STK32C: variants seen among roughly 807,000 people sequenced by gnomAD.
The protein encoded by STK32C is serine/threonine kinase 32C.
In STK32C, 31 loss-of-function variants were observed where a neutral mutation model predicts 56.5. The ratio of observed to expected loss-of-function variants is 0.55; its 90% CI spans 0.41 to 0.74. STK32C has a LOEUF of 0.74. STK32C is among the 30% of genes least tolerant of loss of function. The pLI, the probability that STK32C is intolerant of heterozygous loss-of-function variation, is 0.00. For synonymous variants in STK32C, 309 were observed against 289.4 expected (o/e 1.07, Z -0.69); for missense variants, 544 against 676.9 (o/e 0.80, Z 2.18).
upstream of STK32C, among the ~76,000 whole-genome samples, chr10:132,311,223 G>A (rs115455904): frequency 1.4e-3 from 212 of 152,222 alleles, 1 homozygote; most frequent in African/African-American, 4.9e-3. This position sits in a 1 kb window ranked among gnomAD's most constrained non-coding sequence, Gnocchi z 4.4. Context: ...CTCTGCCCAC[G>A]CCTTTGTTAA....
chr10:132,244,435 C>T (rs998376513), intron 2 of STK32C, among the ~76,000 whole-genome samples: 2 of 152,200 alleles, frequency 1.3e-5, no homozygotes, highest in Admixed American at 1.3e-4. Flanking sequence ...AGGAGGGGAC[C>T]ATCCCCAGGC....
chr10:132,255,062 A>G lies in STK32C; in HGVS notation c.263-9107T>C, dbSNP rs1028639780. On this transcript the variant is annotated intron_variant, in intron 1 of 11. Transcript: ENST00000298630. This position sits in a 1 kb window ranked among gnomAD's most constrained non-coding sequence, Gnocchi z 4.6. ...CCGTTCACCAATGGGAGGATTGCAC[A>G]GCAGAAGTGGGCACTACTGTGAGAG... 6.6e-6 allele frequency among the ~76,000 whole-genome samples: 1 copy of G among 152,198 alleles called. No individual in the cohort carries two copies. The highest frequency in any genetic ancestry group is 2.4e-5 in the African/African-American group (1 of 41,440).
intron 1 of STK32C, among the ~76,000 whole-genome samples, chr10:132,252,502 A>C (rs1238098723): frequency 1.3e-5 from 2 of 152,266 alleles, no homozygotes; most frequent in African/African-American, 4.8e-5. Context: ...CCACCTCTCA[A>C]ATTAAGACGC....
intron 1 of STK32C, among the ~76,000 whole-genome samples, chr10:132,316,258 A>G (rs528623333): frequency 1.3e-5 from 2 of 152,338 alleles, no homozygotes; most frequent in South Asian, 2.1e-4. Context: ...CTATAAGCCA[A>G]TGTAGCAAAG....
At chr10:132,263,225 G>A (rs566524025) in intron 1 of STK32C, among the ~76,000 whole-genome samples, 3 of 152,266 alleles carry the variant, frequency 2.0e-5, no homozygotes, top group South Asian at 4.2e-4. Flanking sequence ...TAAAGAAAAC[G>A]CAGTACCTAT....
chr10:132,294,572 G>C (rs1361043201), intron 1 of STK32C, among the ~76,000 whole-genome samples: 1 of 152,206 alleles, frequency 6.6e-6, no homozygotes, highest in Admixed American at 6.5e-5. Flanking sequence ...AACGCCATCT[G>C]ATGCCTGGCG....
chr10:132,295,913 T>C (rs372359364), intron 1 of STK32C, among the ~76,000 whole-genome samples: 7 of 150,806 alleles, frequency 4.6e-5, no homozygotes, highest in Non-Finnish European at 1.0e-4. Context: ...ATGACGTATA[T>C]AGATAAGCCC....
rs551692549 is a variant in STK32C, at chr10:132,222,709, G to A, written c.1183C>T (p.Leu395=). The A allele has an allele frequency of 1.2e-6, 2 of 1,611,970 alleles. No homozygotes were observed. Among genetic ancestry groups the A allele is most frequent in the Admixed American group, 1.7e-5 (1 of 59,752 alleles). The change falls in exon 10 of 12, where the codon CTG becomes TTG. Residue 395 remains leucine (L), a synonymous_variant. Transcript: ENST00000298630. ...LEEMILESRP[L]HKKKKRLAKN... is the part of the protein sequence containing the mutation. Reference sequence around the variant, plus strand: ...GCCAGACGCTTCTTCTTCTTGTGCAGGGGCCTGGACTCCAGGATCATCTCC... The same window carrying A: ...GCCAGACGCTTCTTCTTCTTGTGCAAGGGCCTGGACTCCAGGATCATCTCC...
chr10:132,238,809 C>T (rs939323276), intron 2 of STK32C, among the ~76,000 whole-genome samples: 3 of 152,112 alleles, frequency 2.0e-5, no homozygotes, highest in African/African-American at 7.2e-5. Context: ...CACATACACA[C>T]ATGCACACAC....
chr10:132,287,034 A>T (rs1327167425), intron 1 of STK32C, among the ~76,000 whole-genome samples: 1 of 152,272 alleles, frequency 6.6e-6, no homozygotes, highest in Non-Finnish European at 1.5e-5. Flanking sequence ...ATACAAAGAC[A>T]ATATAAGCAA....
At chr10:132,283,134 C>T (rs1429136669) in intron 1 of STK32C, among the ~76,000 whole-genome samples, 2 of 152,230 alleles carry the variant, frequency 1.3e-5, no homozygotes, top group Non-Finnish European at 2.9e-5. Flanking sequence ...GCCACGATGG[C>T]CAAGACCCAG....
intron 1 of STK32C, among the ~76,000 whole-genome samples, chr10:132,265,189 C>T (rs867343110): frequency 4.3e-4 from 61 of 140,530 alleles, no homozygotes; most frequent in African/African-American, 1.6e-3. Flanking sequence ...CTGGGGGAGC[C>T]GCAAGGGCAG....
At chr10:132,268,976 T>C (rs2064718226) in intron 1 of STK32C, among the ~76,000 whole-genome samples, 3 of 148,962 alleles carry the variant, frequency 2.0e-5, no homozygotes, top group Admixed American at 2.0e-4. Context: ...TGTGTGTCGG[T>C]GTGTGTGCAT....
At chr10:132,290,648 C>T (rs959611287) in intron 1 of STK32C, among the ~76,000 whole-genome samples, 1 of 152,218 alleles carries the variant, frequency 6.6e-6, no homozygotes, top group African/African-American at 2.4e-5. Flanking sequence ...ATGCCAAGAC[C>T]AAGCCAGTGT....
At chr10:132,309,407 G>C (rs578200951), upstream of STK32C, among the ~76,000 whole-genome samples, 1 of 152,292 alleles carries the variant, frequency 6.6e-6, no homozygotes, top group South Asian at 2.1e-4. Context: ...CACCCGCTTA[G>C]GACACATGGC....
At chr10:132,216,236 A>G (rs946157061) in intron 10 of STK32C, among the ~76,000 whole-genome samples, 1 of 152,186 alleles carries the variant, frequency 6.6e-6, no homozygotes, top group African/African-American at 2.4e-5. Flanking sequence ...AGGTTAAGGC[A>G]GGCAGATCAC....
At chr10:132,331,329 G>A (rs1306966968) in intron 1 of STK32C, 3 of 1,109,600 alleles carry the variant, frequency 2.7e-6, no homozygotes, top group Non-Finnish European at 3.8e-6. Context: ...TGGAATGAAG[G>A]TGCACGGGAC....
At chr10:132,219,253 C>A (rs1334033315) in intron 10 of STK32C, among the ~76,000 whole-genome samples, 1 of 152,196 alleles carries the variant, frequency 6.6e-6, no homozygotes, top group Admixed American at 6.5e-5. Flanking sequence ...CCTCTCTCAG[C>A]CTCAAGGTTA....
intron 1 of STK32C, among the ~76,000 whole-genome samples, chr10:132,252,149 C>T (rs1006413595): frequency 1.3e-5 from 2 of 152,268 alleles, no homozygotes; most frequent in Admixed American, 1.3e-4. Context: ...ACATGGCGGC[C>T]TGCTAACCAG....
Sources: allele counts gnomAD v4.1 joint callset (sites outside exome capture counted in the v4.1 genomes callset), GRCh38; gene constraint gnomAD v4.1.1; non-coding constraint Gnocchi (gnomAD v3.1); transcripts MANE v1.5; gene names NCBI Gene and HGNC (gene_info 2026-07-23, HGNC 2026-07-21).